The following PPARGC1A variants were observed in gnomAD, a reference collection of about 807,000 sequenced individuals.
The protein encoded by PPARGC1A is peroxisome proliferator-activated receptor gamma coactivator 1-alpha.
Under a neutral mutation model 88.7 loss-of-function variants are expected in PPARGC1A, and 25 were observed. The ratio of observed to expected loss-of-function variants is 0.28; its 90% confidence interval spans 0.21 to 0.39. PPARGC1A has a LOEUF of 0.39. Ranked by LOEUF, PPARGC1A falls within the 10% of genes least tolerant of loss-of-function variation. The probability of loss-of-function intolerance (pLI) is 1.00; values close to 1 mark genes in which losing one functional copy is unlikely to be tolerated. For missense variants in PPARGC1A, 880 were observed against 968.7 expected (o/e 0.91, Z 1.22); for synonymous variants, 363 against 355.6 (o/e 1.02, Z -0.24).
chr4:24,237,100 T>C, the PPARGC1A span, among the ~76,000 whole-genome samples: 1 of 152,202 alleles, frequency 6.6e-6, no homozygotes, highest in East Asian at 1.9e-4. Flanking sequence ...CTTGGTACTA[T>C]GGTTTTATTA....
the PPARGC1A span, among the ~76,000 whole-genome samples, chr4:24,278,006 C>T: frequency 6.6e-6 from 1 of 152,058 alleles, no homozygotes; most frequent in Non-Finnish European, 1.5e-5. Flanking sequence ...AAGACCTTTG[C>T]TCTATAAAAA....
chr4:24,048,567 C>T, the PPARGC1A span, among the ~76,000 whole-genome samples: 1 of 152,120 alleles, frequency 6.6e-6, no homozygotes, highest in Non-Finnish European at 1.5e-5. Context: ...TCATCCCTGG[C>T]AAGACCCTAT....
chr4:24,412,873 C>T, the PPARGC1A span, among the ~76,000 whole-genome samples: 1 of 152,210 alleles, frequency 6.6e-6, no homozygotes, highest in Non-Finnish European at 1.5e-5. Flanking sequence ...GTGGTTGCCA[C>T]TAGAACAGTA....
the PPARGC1A span, among the ~76,000 whole-genome samples, chr4:24,139,273 ACAG>A: frequency 4.3e-4 from 65 of 152,068 alleles, no homozygotes; most frequent in Middle Eastern, 0.014. Context: ...AGCTGGGACT[ACAG>A]GCACCTGCCA....
chr4:24,209,211 G>C, the PPARGC1A span, among the ~76,000 whole-genome samples: 1 of 152,194 alleles, frequency 6.6e-6, no homozygotes, highest in Non-Finnish European at 1.5e-5. Context: ...ATGGATACAG[G>C]TTGGAACCAA....
the PPARGC1A span, among the ~76,000 whole-genome samples, chr4:24,093,058 G>T: frequency 6.6e-6 from 1 of 152,198 alleles, no homozygotes; most frequent in Non-Finnish European, 1.5e-5. Context: ...GTCCGATGCT[G>T]TGCTGAGTGC....
chr4:24,123,960 T>A, the PPARGC1A span, among the ~76,000 whole-genome samples: 5 of 148,128 alleles, frequency 3.4e-5, no homozygotes, highest in South Asian at 8.6e-4. Flanking sequence ...CAAATTTGCA[T>A]GTTAAAAAGT....
At chr4:23,823,787 T>C (rs1723426322) in intron 7 of PPARGC1A, among the ~76,000 whole-genome samples, 1 of 152,144 alleles carries the variant, frequency 6.6e-6, no homozygotes, top group Admixed American at 6.6e-5. Flanking sequence ...CATGCAATCA[T>C]GCATTAGACC....
the PPARGC1A span, among the ~76,000 whole-genome samples, chr4:24,088,106 T>C: frequency 6.6e-6 from 1 of 152,164 alleles, no homozygotes; most frequent in African/African-American, 2.4e-5. Flanking sequence ...CCCAGCATTT[T>C]GGGAGGCCGA....
rs533715191 is a variant in PPARGC1A at position 23,840,841 on chromosome 4, C to T, written c.235-9090G>A. Among the ~76,000 whole-genome samples the T allele has an allele frequency of 6.6e-5, 10 of 152,192 alleles. No individual in the cohort carries two copies. In the South Asian group the frequency reaches 1.0e-3, roughly 16 times the overall value. On this transcript the variant is annotated intron_variant, in intron 2 of 12. Transcript: ENST00000264867. ...TGTAATCCTCACCTCCTCCTATCCTCGGACAATTTGTCTTCTTAATAATGT... is the reference window on the plus strand; with the variant it reads ...TGTAATCCTCACCTCCTCCTATCCTTGGACAATTTGTCTTCTTAATAATGT...
chr4:24,212,647 G>A, the PPARGC1A span, among the ~76,000 whole-genome samples: 1 of 152,180 alleles, frequency 6.6e-6, no homozygotes, highest in Non-Finnish European at 1.5e-5. Context: ...TGGGCAACTT[G>A]TTGGGGATCC....
chr4:24,408,033 T>C, the PPARGC1A span, among the ~76,000 whole-genome samples: 2 of 152,216 alleles, frequency 1.3e-5, no homozygotes, highest in African/African-American at 4.8e-5. Context: ...GACAAACTGA[T>C]TTTGTACTTC....
the PPARGC1A span, among the ~76,000 whole-genome samples, chr4:24,320,854 G>A: frequency 3.9e-5 from 6 of 152,208 alleles, no homozygotes; most frequent in South Asian, 2.1e-4. Flanking sequence ...GAAAATAATC[G>A]AAATTGTGCA....
the PPARGC1A span, among the ~76,000 whole-genome samples, chr4:24,318,522 C>T: frequency 5.0e-4 from 76 of 152,334 alleles, no homozygotes; most frequent in African/African-American, 1.6e-3. Context: ...TAAGTGATAA[C>T]TTCTCCAAAG....
At chr4:23,983,373 C>T in the PPARGC1A span, among the ~76,000 whole-genome samples, 496 of 152,188 alleles carry the variant, frequency 3.3e-3, 4 homozygotes, top group African/African-American at 0.011. Context: ...CTTATTATAA[C>T]GTGCTTACAT....
chr4:23,888,213 G>A (rs1295174735), intron 1 of PPARGC1A, among the ~76,000 whole-genome samples: 5 of 152,182 alleles, frequency 3.3e-5, no homozygotes, highest in African/African-American at 1.2e-4. Context: ...GAAGTGACTG[G>A]CCAATCTCAG....
chr4:24,236,225 G>A, the PPARGC1A span, among the ~76,000 whole-genome samples: 1 of 152,174 alleles, frequency 6.6e-6, no homozygotes, highest in African/African-American at 2.4e-5. Context: ...ACACCCATCT[G>A]ATGCTGGGTG....
At chr4:24,040,329 G>A in the PPARGC1A span, among the ~76,000 whole-genome samples, 29 of 152,260 alleles carry the variant, frequency 1.9e-4, no homozygotes, top group South Asian at 5.0e-3. Context: ...TCTCATCACT[G>A]ACCTCCATTC....
At chr4:24,346,269 TG>T in the PPARGC1A span, among the ~76,000 whole-genome samples, 2 of 152,198 alleles carry the variant, frequency 1.3e-5, no homozygotes, top group Admixed American at 1.3e-4. Context: ...TTCCTGGTTT[TG>T]GTATTAGGGT....
Sources: gnomAD v4.1 joint callset for allele counts (sites outside exome capture counted in the v4.1 genomes callset) on GRCh38, gnomAD v4.1.1 for gene constraint, MANE v1.5 for transcripts, NCBI Gene and HGNC (gene_info 2026-07-23, HGNC 2026-07-21) for gene names.